The following NLGN4X variants were observed in gnomAD, a reference collection of about 807,000 sequenced individuals.
The protein encoded by NLGN4X is neuroligin 4 X-linked.
Under a neutral mutation model 40.3 loss-of-function variants are expected in NLGN4X, and 3 were observed. That is an observed-to-expected ratio of 0.07 (90% CI 0.03 to 0.19). The LOEUF is 0.19. NLGN4X is among the 10% of genes least tolerant of loss of function. The probability of loss-of-function intolerance (pLI) is 1.00; values close to 1 mark genes in which losing one functional copy is unlikely to be tolerated. For synonymous variants in NLGN4X, 270 were observed against 306.8 expected, an observed-to-expected ratio of 0.88 and a Z score of 1.25; for missense variants, 382 against 708.3, an observed-to-expected ratio of 0.54 and a Z score of 5.23.
intron 5 of NLGN4X, among the ~76,000 whole-genome samples, chrX:5,896,175 C>T (rs1299058185): frequency 1.8e-5 from 2 of 111,584 alleles, no homozygotes; most frequent in Non-Finnish European, 3.8e-5. Context: ...GGGTACAAGG[C>T]TATTTTCGAA....
chrX:5,986,850 T>G (rs1213209543), intron 3 of NLGN4X, among the ~76,000 whole-genome samples: 2 of 111,668 alleles, frequency 1.8e-5, no homozygotes, highest in Non-Finnish European at 3.8e-5. Context: ...AAATAGAACT[T>G]TTATACTGCC....
intron 1 of NLGN4X, among the ~76,000 whole-genome samples, chrX:6,198,013 G>A (rs1477538344): frequency 1.8e-5 from 2 of 109,067 alleles, no homozygotes; most frequent in Admixed American, 9.8e-5. Flanking sequence ...GCAGTGAGCT[G>A]TAGTTACGCC....
intron 2 of NLGN4X, among the ~76,000 whole-genome samples, chrX:6,051,270 A>C (rs1183103742): frequency 1.8e-5 from 2 of 112,016 alleles, no homozygotes; most frequent in African/African-American, 3.2e-5. Context: ...TTAACTCTTA[A>C]TATCTCAAGA....
rs147492513 is a variant in NLGN4X, at chrX:6,216,477, C to G, written c.-306+12064G>C. On this transcript the variant is annotated intron_variant, in intron 1 of 5. Transcript: ENST00000381095. ...CACTAGCCAATGAGGCATCCCCACC[C>G]AAGTGTGACCAAATGCCTCTGAGGC... Among the ~76,000 whole-genome samples the G allele has an allele frequency of 3.7e-3, 415 of 112,287 alleles. 3 individuals carry two copies. The highest frequency in any genetic ancestry group is 0.013 in the African/African-American group (393 of 30,949).
chrX:6,020,442 A>T (rs1232012146), intron 3 of NLGN4X, among the ~76,000 whole-genome samples: 2 of 112,047 alleles, frequency 1.8e-5, no homozygotes, highest in Non-Finnish European at 3.8e-5. Context: ...TCTCTTACAG[A>T]ACTTGAAGCT....
At chrX:5,973,113 T>A (rs1164727490) in intron 3 of NLGN4X, among the ~76,000 whole-genome samples, 1 of 112,703 alleles carries the variant, frequency 8.9e-6, no homozygotes, top group Non-Finnish European at 1.9e-5. Context: ...TTTAAACAGA[T>A]GAACAGCCTA....
At chrX:6,072,140 G>T (rs1278889598) in intron 2 of NLGN4X, among the ~76,000 whole-genome samples, 1 of 111,197 alleles carries the variant, frequency 9.0e-6, no homozygotes, top group Non-Finnish European at 1.9e-5. Context: ...GTGTGGGAGA[G>T]ATCTTACTGT....
chrX:5,949,648 T>C (rs866443336), intron 3 of NLGN4X, among the ~76,000 whole-genome samples: 4 of 112,251 alleles, frequency 3.6e-5, no homozygotes, highest in Admixed American at 9.5e-5. Flanking sequence ...AATAAGAATA[T>C]AGATGAAAAC....
intron 2 of NLGN4X, among the ~76,000 whole-genome samples, chrX:6,138,470 T>C (rs1006882635): frequency 1.8e-5 from 2 of 111,786 alleles, no homozygotes; most frequent in Non-Finnish European, 3.8e-5. Context: ...TCTCTGATAA[T>C]GAAATTAAAA....
chrX:6,143,150 C>T (rs929331017), intron 2 of NLGN4X, among the ~76,000 whole-genome samples: 1 of 112,343 alleles, frequency 8.9e-6, no homozygotes, highest in African/African-American at 3.2e-5. Context: ...CTTGTACGTG[C>T]TGGCTACTAA....
At chrX:5,934,593 A>G (rs2033671567) in intron 3 of NLGN4X, among the ~76,000 whole-genome samples, 2 of 111,755 alleles carry the variant, frequency 1.8e-5, no homozygotes, top group South Asian at 3.7e-4. Flanking sequence ...AGCCCTGCCA[A>G]TCTCTTGATT....
intron 1 of NLGN4X, among the ~76,000 whole-genome samples, chrX:6,220,131 C>A (rs1309026330): frequency 9.0e-6 from 1 of 110,787 alleles, no homozygotes; most frequent in Non-Finnish European, 1.9e-5. Flanking sequence ...TGAACAATAC[C>A]TTGGATTCTA....
chrX:5,973,914 G>T (rs1224100204), intron 3 of NLGN4X, among the ~76,000 whole-genome samples: 1 of 112,405 alleles, frequency 8.9e-6, no homozygotes, highest in African/African-American at 3.2e-5. Flanking sequence ...GTCCAACCAT[G>T]GCAGTCCAAT....
At chrX:6,025,131 C>T (rs551439855) in intron 3 of NLGN4X, among the ~76,000 whole-genome samples, 14 of 111,132 alleles carry the variant, frequency 1.3e-4, no homozygotes, top group Middle Eastern at 9.4e-3. Flanking sequence ...AAACTGAACA[C>T]CAATTCAATC....
chrX:6,010,119 C>G (rs1367536856), intron 3 of NLGN4X, among the ~76,000 whole-genome samples: 3 of 112,096 alleles, frequency 2.7e-5, no homozygotes, highest in Admixed American at 9.4e-5. Context: ...TCAATTAGGG[C>G]TAATTTCCTG....
intron 4 of NLGN4X, among the ~76,000 whole-genome samples, chrX:5,905,114 T>C (rs2146741553): frequency 9.0e-6 from 1 of 111,292 alleles, no homozygotes; most frequent in East Asian, 2.8e-4. Flanking sequence ...TGTATTCTAT[T>C]GGATACTTTC....
chrX:5,985,711 G>T (rs777968451), intron 3 of NLGN4X, among the ~76,000 whole-genome samples: 1 of 111,821 alleles, frequency 8.9e-6, no homozygotes, highest in South Asian at 3.7e-4. Flanking sequence ...GTGGATCTGC[G>T]GTTGAAAATC....
intron 3 of NLGN4X, among the ~76,000 whole-genome samples, chrX:5,937,685 T>C (rs1213477843): frequency 9.0e-6 from 1 of 111,662 alleles, no homozygotes; most frequent in Non-Finnish European, 1.9e-5. Flanking sequence ...GAACCCAAAA[T>C]GGTCCCTGGT....
chrX:5,921,372 A>G (rs12013656), intron 3 of NLGN4X, among the ~76,000 whole-genome samples: 1,427 of 98,868 alleles, frequency 0.014, 20 homozygotes, highest in African/African-American at 0.05. Context: ...TGTATGACTC[A>G]GCGGCATTGA....
Sources: gnomAD v4.1 joint callset for allele counts (sites outside exome capture counted in the v4.1 genomes callset) on GRCh38, gnomAD v4.1.1 for gene constraint, MANE v1.5 for transcripts, NCBI Gene and HGNC (gene_info 2026-07-23, HGNC 2026-07-21) for gene names.